The following PLAA variants were observed in gnomAD, a reference collection of about 807,000 sequenced individuals.
PLAA encodes phospholipase A2 activating protein.
A neutral mutation model predicts 84.1 loss-of-function variants in PLAA; 48 were observed. The ratio of observed to expected loss-of-function variants is 0.57; its 90% CI spans 0.45 to 0.73. PLAA has a LOEUF of 0.73. Ranked by LOEUF, PLAA falls within the 30% of genes least tolerant of loss-of-function variation. PLAA has a pLI of 0.00. For missense variants in PLAA, 903 were observed against 954.7 expected (o/e 0.95, Z 0.71); for synonymous variants, 392 against 336.6 (o/e 1.16, Z -1.80).
chr9:26,933,343 G>C (rs1449280530), intron 2 of PLAA, among the ~76,000 whole-genome samples: 5 of 151,572 alleles, frequency 3.3e-5, no homozygotes, highest in Admixed American at 6.6e-5. Context: ...GCTGAGGCAG[G>C]AGAATCGCTT....
chr9:26,912,466 CT>C (rs1563906726), intron 11 of PLAA, among the ~76,000 whole-genome samples: 1 of 152,158 alleles, frequency 6.6e-6, no homozygotes, highest in South Asian at 2.1e-4. Context: ...AAAAAGATCA[CT>C]GTCTGCAATA....
chr9:26,926,045 T>C (rs1373569330), intron 5 of PLAA, 85 bp from the exon 6 acceptor site: 2 of 1,092,268 alleles, frequency 1.8e-6, no homozygotes, highest in African/African-American at 3.2e-5. Context: ...CACTGACTTT[T>C]TGAAACCCAG....
chr9:26,946,463 A>G (rs1297473930), intron 1 of PLAA, among the ~76,000 whole-genome samples: 2 of 151,848 alleles, frequency 1.3e-5, no homozygotes, highest in African/African-American at 4.8e-5. Context: ...TTTGAGAACT[A>G]AAGTCTTCAA....
At position 26,925,752 on chromosome 9, in the gene PLAA, T is replaced by C; in HGVS notation, c.869+73A>G. ...AAGTCACGTGAAATTCCTTATGGCT[T>C]ATCTCTGTACACTCTAGTTCCTACT... On this transcript the variant is annotated intron_variant, in intron 6 of 13. Transcript: ENST00000397292. 5 of 1,353,032 alleles carry C rather than the reference T, an allele frequency of 3.7e-6. No individual in the cohort carries two copies. The South Asian group carries it at 5.2e-5, about 14-fold the overall frequency. The allele number at this position is 1,353,032 out of a possible 1,614,324, so 83.8% of individuals were successfully genotyped here.
chr9:26,912,524 G>A (rs955623478), intron 11 of PLAA, among the ~76,000 whole-genome samples: 1 of 152,138 alleles, frequency 6.6e-6, no homozygotes, highest in South Asian at 2.1e-4. Context: ...TATTCCAGGC[G>A]AGAGGTGACA....
intron 9 of PLAA, among the ~76,000 whole-genome samples, chr9:26,918,021 T>C (rs969905418): frequency 1.3e-5 from 2 of 152,194 alleles, no homozygotes; most frequent in African/African-American, 4.8e-5. Context: ...AATATCCACA[T>C]ACTAAACAAT....
chr9:26,946,971 C>T lies in PLAA; in HGVS notation c.75G>A (p.Val25=), dbSNP rs1320450288. 5 of 1,591,530 alleles carry T rather than the reference C, an allele frequency of 3.1e-6. No homozygotes were observed. Among genetic ancestry groups the T allele is most frequent in the Non-Finnish European group, 2.6e-6 (3 of 1,169,502 alleles). The change falls in exon 1 of 14, where the codon GTG becomes GTA. Residue 25 remains valine, a synonymous_variant. Transcript: ENST00000397292. ...RGHELDVRGL[V]CCAYPPGAFV... ...AGGCTCCCGGCGGATAGGCGCAGCA[C>T]ACCAGGCCCCGTACGTCCAGCTCGT...
intron 1 of PLAA, among the ~76,000 whole-genome samples, chr9:26,939,537 C>G (rs1247495190): frequency 1.0e-5 from 1 of 96,946 alleles, no homozygotes; most frequent in South Asian, 3.2e-4. Flanking sequence ...AGAAAACAGA[C>G]AGCAAAATGG....
intron 11 of PLAA, among the ~76,000 whole-genome samples, chr9:26,911,491 G>T (rs1312572555): frequency 6.6e-6 from 1 of 152,086 alleles, no homozygotes; most frequent in African/African-American, 2.4e-5. Flanking sequence ...GTTTCACCAT[G>T]TTGGTTGGGC....
At chr9:26,929,891 T>G (rs1227835313) in intron 2 of PLAA, among the ~76,000 whole-genome samples, 1 of 152,118 alleles carries the variant, frequency 6.6e-6, no homozygotes, top group Admixed American at 6.6e-5. Flanking sequence ...AACTCTCCCT[T>G]TTTGGACACA....
At position 26,910,421 on chromosome 9, in the gene PLAA, G is replaced by T. The variant is rs1349140929; in HGVS notation, c.1574C>A (p.Ser525Ter). ...DPFTGNSAYR[S>*]AASKTMNIYF... The stretch of plus-strand genomic sequence containing the variant: ...AATATTCATTGTTTTAGATGCAGCT[G>T]ATCGGTAGGCACTATTCCCTATTTA... Residue 525 changes from serine (S) to a stop codon, truncating the protein, a stop_gained, in exon 12 of 14, where the codon TCA becomes TAA. Transcript: ENST00000397292. LOFTEE classifies it high-confidence loss of function. The T allele has an allele frequency of 6.2e-7, 1 of 1,612,070 alleles. No individual in the cohort carries two copies. The highest frequency in any genetic ancestry group is 8.5e-7 in the Non-Finnish European group (1 of 1,178,612).
In PLAA at chr9:26,923,177, C is replaced by T. The variant is rs376216305; in HGVS notation, c.1039+1G>A. 4.4e-6 allele frequency: 7 copies of T among 1,582,554 alleles called. No homozygotes were observed. The highest frequency in any genetic ancestry group is 6.0e-6 in the Non-Finnish European group (7 of 1,161,364). ...TCTACTAGGTACAATAAAATACTTA[C>T]CAGGTTCATTAAGATGTTCCCTCCC... On this transcript the variant is annotated splice_donor_variant, in intron 7 of 13. Coordinates refer to ENST00000397292, the MANE Select transcript of PLAA (RefSeq NM_001031689.3). LOFTEE classifies it high-confidence loss of function.
chr9:26,926,332 C>T (rs1824960641), intron 5 of PLAA, 61 bp downstream of exon 5: 1 of 1,121,696 alleles, frequency 8.9e-7, no homozygotes, highest in Non-Finnish European at 1.3e-6. Flanking sequence ...CTCCATCTCA[C>T]AAATGGGATG....
At chr9:26,918,288 ATT>A (rs1185916022) in intron 9 of PLAA, among the ~76,000 whole-genome samples, 22 of 95,684 alleles carry the variant, frequency 2.3e-4, no homozygotes, top group East Asian at 3.2e-4. Flanking sequence ...AATTTTTTGT[ATT>A]TTTTTTTTTT....
chr9:26,925,810 C>T lies in PLAA; in HGVS notation c.869+15G>A. ...TAGACATATAACATTTAATGATTGA[C>T]TAGAATATAAATACCTCGCACCAAC... On this transcript the variant is annotated intron_variant, in intron 6 of 13. Coordinates refer to ENST00000397292, the MANE Select transcript of PLAA (RefSeq NM_001031689.3). The T allele has an allele frequency of 6.2e-7, 1 of 1,612,228 alleles. No individual in the cohort carries two copies. The highest frequency in any genetic ancestry group is 8.5e-7 in the Non-Finnish European group (1 of 1,178,656).
intron 8 of PLAA, among the ~76,000 whole-genome samples, chr9:26,919,898 G>A (rs973765279): frequency 1.3e-5 from 2 of 152,156 alleles, no homozygotes; most frequent in African/African-American, 4.8e-5. Context: ...GGTCTCTCAT[G>A]TCTTGTCAAG....
At chr9:26,940,978 C>A (rs58471718) in intron 1 of PLAA, among the ~76,000 whole-genome samples, 1 of 151,964 alleles carries the variant, frequency 6.6e-6, no homozygotes, top group African/African-American at 2.4e-5. Context: ...TATGTGTAAC[C>A]CTTAACACTT....
At position 26,926,580 on chromosome 9, in the gene PLAA, T is replaced by A; in HGVS notation, c.566-20A>T. 2.5e-6 allele frequency: 4 copies of A among 1,595,300 alleles called. No homozygotes were observed. The highest frequency in any genetic ancestry group is 3.4e-6 in the Non-Finnish European group (4 of 1,167,234). ...CATGCCCTGCATTAAAAAACAATAA[T>A]GCAAATCAATAAAACTGATAATTTG... On this transcript the variant is annotated intron_variant, in intron 4 of 13. Transcript: ENST00000397292.
intron 1 of PLAA, among the ~76,000 whole-genome samples, chr9:26,938,337 A>C (rs1319608040): frequency 2.6e-5 from 4 of 152,054 alleles, no homozygotes; most frequent in Non-Finnish European, 5.9e-5. Flanking sequence ...CACACTCAAG[A>C]ACAGCCACTG....
Sources: gnomAD v4.1 joint callset for allele counts (sites outside exome capture counted in the v4.1 genomes callset) on GRCh38, gnomAD v4.1.1 for gene constraint, MANE v1.5 for transcripts, NCBI Gene and HGNC (gene_info 2026-07-23, HGNC 2026-07-21) for gene names.